Variants in PRKDC observed in about 807,000 individuals in gnomAD.
The protein encoded by PRKDC is DNA-dependent protein kinase catalytic subunit.
In PRKDC, 82 loss-of-function variants were observed where a neutral mutation model predicts 486.9. The observed-to-expected ratio is 0.17, with a 90% CI of 0.14 to 0.20. PRKDC has a LOEUF of 0.20. PRKDC is among the 10% of genes least tolerant of loss of function. The probability of loss-of-function intolerance (pLI) is 1.00; values close to 1 mark genes in which losing one functional copy is unlikely to be tolerated. For synonymous variants in PRKDC, 1,895 were observed against 1,837.0 expected, an observed-to-expected ratio of 1.03 and a Z score of -0.81; for missense variants, 4,504 against 5,038.2, an observed-to-expected ratio of 0.89 and a Z score of 3.21.
At chr8:47,881,863 A>G in intron 37 of PRKDC, 49 bp downstream of exon 37, 1 of 1,456,248 alleles carries the variant, frequency 6.9e-7, no homozygotes, top group Non-Finnish European at 9.2e-7. Context: ...GACACAAGTT[A>G]CAGAGTTCAG....
chr8:47,821,267 G>T (rs2087588732), intron 65 of PRKDC, among the ~76,000 whole-genome samples: 2 of 152,152 alleles, frequency 1.3e-5, no homozygotes, highest in Non-Finnish European at 2.9e-5. Flanking sequence ...GAAAAGCGGA[G>T]AGCCTCTTGT....
chr8:47,810,083 T>C (rs997394310), intron 68 of PRKDC, among the ~76,000 whole-genome samples: 11 of 152,152 alleles, frequency 7.2e-5, no homozygotes, highest in Admixed American at 1.3e-4. Flanking sequence ...GCAGACAGAC[T>C]CAAAACAGCA....
In PRKDC at chr8:47,782,482, C is replaced by T; in HGVS notation, c.11292G>A (p.Val3764=). 1 of 1,583,266 alleles carries T rather than the reference C, an allele frequency of 6.3e-7. No homozygotes were observed. The highest frequency in any genetic ancestry group is 8.6e-7 in the Non-Finnish European group (1 of 1,165,400). The stretch of plus-strand genomic sequence containing the variant: ...CATTCATGACCTGGAAGAGCTGCTC[C>T]ACGCGCTGGTCCTGCCGCAGGTCCT... ...GGEDLRQDQR[V]EQLFQVMNGI... is the part of the protein sequence containing the mutation. Residue 3764 remains valine, a synonymous_variant, in exon 79 of 86, where the codon GTG becomes GTA. Transcript: ENST00000314191. The surrounding 1 kb of genome is among the most constrained non-coding windows in gnomAD (Gnocchi z 4.9).
chr8:47,828,015 C>T (rs1425502556), intron 62 of PRKDC, among the ~76,000 whole-genome samples, 153 bp downstream of exon 62: 1 of 152,210 alleles, frequency 6.6e-6, no homozygotes, highest in African/African-American at 2.4e-5. Context: ...ATTACATCTA[C>T]TCATTTGGGA....
Position 47,900,364 on chromosome 8 carries a change from A to C in PRKDC, c.3364+9T>G, listed in dbSNP as rs1159807801. 6.3e-7 allele frequency: 1 copy of C among 1,597,700 alleles called. No homozygotes were observed. The highest frequency in any genetic ancestry group is 8.5e-7 in the Non-Finnish European group (1 of 1,172,994). On this transcript the variant is annotated intron_variant, in intron 28 of 85. Transcript: ENST00000314191. ...TGTAACGCACACAGAACACTGAAGC[A>C]AAACGTACCTAAGGACTTCTCATCT...
At position 47,837,353 on chromosome 8, in the gene PRKDC, C is replaced by T; in HGVS notation, c.7620G>A (p.Leu2540=). 6.2e-7 allele frequency: 1 copy of T among 1,613,104 alleles called. No homozygotes were observed. Among genetic ancestry groups the T allele is most frequent in the Non-Finnish European group, 8.5e-7 (1 of 1,179,106 alleles). The change falls in exon 57 of 86, where the codon CTG becomes CTA. Residue 2540 remains leucine (L), a synonymous_variant. Coordinates refer to ENST00000314191, the MANE Select transcript of PRKDC (RefSeq NM_006904.7). ...RLPSNTLDRL[L]ALNSLYSPKI... is the part of the protein sequence containing the mutation. ...TAGGAGAATATAAGGAATTTAGTGC[C>T]AGCAACCGGTCCAAGGTATTTGAAG...
chr8:47,944,125 C>G, intron 7 of PRKDC, 96 bp from the exon 8 acceptor site: 1 of 1,019,598 alleles, frequency 9.8e-7, no homozygotes, highest in Non-Finnish European at 1.5e-6. Flanking sequence ...CCCCATTAAT[C>G]TCTTGTGAAT....
At chr8:47,941,161 A>G (rs1437682256) in intron 10 of PRKDC, among the ~76,000 whole-genome samples, 1 of 151,618 alleles carries the variant, frequency 6.6e-6, no homozygotes. Flanking sequence ...AAACAGCAAC[A>G]AAAAAAACAC....
intron 14 of PRKDC, 25 bp from the exon 15 acceptor site, chr8:47,934,115 T>C (rs565952905): frequency 6.3e-5 from 100 of 1,597,584 alleles, no homozygotes; most frequent in Non-Finnish European, 6.9e-5. Flanking sequence ...AGCATGACAA[T>C]ATGTAGTGAT....
chr8:47,872,929 C>T (rs552901109), intron 40 of PRKDC, among the ~76,000 whole-genome samples: 1 of 152,284 alleles, frequency 6.6e-6, no homozygotes, highest in East Asian at 1.9e-4. Flanking sequence ...ATCAGCACTA[C>T]AGACTAAATG....
chr8:47,908,047 T>C (rs1240372587), intron 25 of PRKDC, among the ~76,000 whole-genome samples: 2 of 152,202 alleles, frequency 1.3e-5, no homozygotes, highest in East Asian at 3.9e-4. Flanking sequence ...GAGCACACTG[T>C]TTAAGCAGCT....
intron 85 of PRKDC, among the ~76,000 whole-genome samples, chr8:47,775,850 T>A (rs2086599916): frequency 6.8e-6 from 1 of 148,060 alleles, no homozygotes; most frequent in East Asian, 2.0e-4. Flanking sequence ...TGAGGCAGAG[T>A]CTCACTTTGT....
chr8:47,944,741 T>C (rs573830518), intron 7 of PRKDC, among the ~76,000 whole-genome samples: 1 of 152,198 alleles, frequency 6.6e-6, no homozygotes, highest in Non-Finnish European at 1.5e-5. Flanking sequence ...TCTCTACCCT[T>C]CTAACAGTGA....
intron 70 of PRKDC, among the ~76,000 whole-genome samples, chr8:47,802,624 C>A (rs922634133): frequency 6.6e-6 from 1 of 151,408 alleles, no homozygotes; most frequent in African/African-American, 2.4e-5. Context: ...AAGACAGGCG[C>A]CTGCCACCAC....
chr8:47,849,127 C>T, intron 54 of PRKDC, 27 bp downstream of exon 54: 1 of 1,608,592 alleles, frequency 6.2e-7, no homozygotes, highest in Non-Finnish European at 8.5e-7. Flanking sequence ...CCAGTGGGAC[C>T]CAAGAGCAGG....
chr8:47,919,213 A>G (rs2090035556), intron 21 of PRKDC, among the ~76,000 whole-genome samples: 1 of 152,208 alleles, frequency 6.6e-6, no homozygotes, highest in African/African-American at 2.4e-5. Flanking sequence ...AGCATATTGC[A>G]CTTAGTTGAC....
Position 47,918,113 on chromosome 8 carries a change from G to A in PRKDC, c.2526+164C>T, listed in dbSNP as rs541761190. Among the ~76,000 whole-genome samples, 5 of 152,286 alleles carry A rather than the reference G, an allele frequency of 3.3e-5. No individual in the cohort carries two copies. The East Asian group carries it at 9.6e-4, about 29-fold the overall frequency. On this transcript the variant is annotated intron_variant, in intron 22 of 85. Transcript: ENST00000314191. ...CTCCTAAAGTGCTGGGATTACAGGT[G>A]TGCGCCACCATGCCTGGTCAATATA...
At chr8:47,903,508 G>C (rs1047195505) in intron 26 of PRKDC, among the ~76,000 whole-genome samples, 1 of 152,192 alleles carries the variant, frequency 6.6e-6, no homozygotes, top group African/African-American at 2.4e-5. Flanking sequence ...AATCCAAAAA[G>C]GTAACACAAG....
chr8:47,855,066 T>C (rs917499666), intron 50 of PRKDC, among the ~76,000 whole-genome samples, 156 bp downstream of exon 50: 16 of 152,186 alleles, frequency 1.1e-4, no homozygotes, highest in Admixed American at 2.0e-4. Context: ...ACGCATCTGG[T>C]GCCACACTCT....
Sources: gnomAD v4.1 joint callset for allele counts (sites outside exome capture counted in the v4.1 genomes callset) on GRCh38, gnomAD v4.1.1 for gene constraint, Gnocchi (gnomAD v3.1) non-coding constraint, MANE v1.5 for transcripts, NCBI Gene and HGNC (gene_info 2026-07-23, HGNC 2026-07-21) for gene names.